The following USH2A variants were observed in gnomAD, a reference collection of about 807,000 sequenced individuals.
USH2A encodes Usher syndrome 2A (autosomal recessive, mild).
In USH2A, 443 loss-of-function variants were observed where a neutral mutation model predicts 538.9. The observed-to-expected ratio is 0.82, with a 90% CI of 0.76 to 0.89. The LOEUF (loss-of-function observed/expected upper bound fraction) is 0.89. Among genes scored for constraint, USH2A ranks in the 40% least tolerant of loss-of-function variants. The pLI is 0.00. For synonymous variants in USH2A, 2,413 were observed against 2,273.5 expected (o/e 1.06, Z -1.75); for missense variants, 6,633 against 6,324.8 (o/e 1.05, Z -1.65).
At chr1:216,194,284 T>TAA (rs2034787216) in intron 19 of USH2A, 4 of 152,008 alleles carry the variant, frequency 2.6e-5, no homozygotes, top group African/African-American at 9.7e-5. Context: ...TAAACTTCCA[T>TAA]TAGTGGTGAA....
intron 47 of USH2A, among the ~76,000 whole-genome samples, chr1:215,836,489 TATATATATAATATATA>T (rs1262434999): frequency 0.021 from 53 of 2,522 alleles, 7 homozygotes; most frequent in East Asian, 0.16. Context: ...TAATATATAT[TATATATATAATATATA>T]TTATATATAT....
chr1:216,106,726 C>T (rs1005225173), intron 21 of USH2A, among the ~76,000 whole-genome samples: 1 of 151,332 alleles, frequency 6.6e-6, no homozygotes, highest in African/African-American at 2.4e-5. Context: ...TTCTTTTTTG[C>T]CTGTTTTAAG....
intron 41 of USH2A, 116 bp downstream of exon 41, chr1:215,888,310 G>A: frequency 2.0e-6 from 3 of 1,513,422 alleles, no homozygotes; most frequent in Non-Finnish European, 2.7e-6. Context: ...TTTCTCCAGT[G>A]AATGCCTAAA....
intron 4 of USH2A, among the ~76,000 whole-genome samples, chr1:216,347,086 T>C (rs114737093): frequency 0.039 from 5,923 of 152,198 alleles, 177 homozygotes; most frequent in Middle Eastern, 0.11. Flanking sequence ...GTTTACTAAA[T>C]GCTTTAAGGT....
At chr1:216,082,922 T>C (rs1369490904) in intron 26 of USH2A, among the ~76,000 whole-genome samples, 2 of 152,060 alleles carry the variant, frequency 1.3e-5, no homozygotes, top group African/African-American at 4.8e-5. Flanking sequence ...CATTAGGTGT[T>C]CAAACTATAA....
chr1:216,277,816 TC>T (rs61533685), intron 11 of USH2A, among the ~76,000 whole-genome samples: 2,852 of 152,256 alleles, frequency 0.019, 92 homozygotes, highest in African/African-American at 0.063. Flanking sequence ...GAAGTTGTTT[TC>T]CACATTGTCT....
At chr1:216,268,418 C>T (rs1410394964) in intron 11 of USH2A, among the ~76,000 whole-genome samples, 1 of 152,024 alleles carries the variant, frequency 6.6e-6, no homozygotes, top group African/African-American at 2.4e-5. Flanking sequence ...TTAATGTAAA[C>T]ATGTTTAGCA....
chr1:215,901,748 C>G (rs1370443416), intron 38 of USH2A, among the ~76,000 whole-genome samples: 2 of 152,130 alleles, frequency 1.3e-5, no homozygotes, highest in Non-Finnish European at 2.9e-5. Context: ...TAAGATGACT[C>G]TGGTTATTTA....
At chr1:215,975,053 C>A (rs1476186650) in intron 35 of USH2A, among the ~76,000 whole-genome samples, 2 of 151,976 alleles carry the variant, frequency 1.3e-5, no homozygotes, top group Non-Finnish European at 2.9e-5. Flanking sequence ...TGAGATGGTA[C>A]TCGTTGTGGT....
At chr1:215,672,155 G>A (rs1657838149) in intron 63 of USH2A, among the ~76,000 whole-genome samples, 1 of 152,094 alleles carries the variant, frequency 6.6e-6, no homozygotes, top group African/African-American at 2.4e-5. Flanking sequence ...AGTATTTAGT[G>A]CCTATGGCTG....
At chr1:215,994,570 G>A (rs1274817518) in intron 34 of USH2A, among the ~76,000 whole-genome samples, 5 of 152,046 alleles carry the variant, frequency 3.3e-5, no homozygotes, top group Admixed American at 2.6e-4. Context: ...GCTTAATTAA[G>A]CAACTTTCAG....
intron 32 of USH2A, among the ~76,000 whole-genome samples, chr1:216,015,627 C>A (rs1285053472): frequency 6.6e-6 from 1 of 152,188 alleles, no homozygotes; most frequent in African/African-American, 2.4e-5. Flanking sequence ...AGTTTACAGT[C>A]CCACCAACAG....
At chr1:216,358,363 C>T (rs114265336) in intron 4 of USH2A, among the ~76,000 whole-genome samples, 2,114 of 152,250 alleles carry the variant, frequency 0.014, 15 homozygotes, top group South Asian at 0.027. Flanking sequence ...CGGCCTGGCA[C>T]TGCATGAGAG....
chr1:215,695,495 A>AT lies in USH2A; in HGVS notation c.12067-15120_12067-15119insA, dbSNP rs1047504909. Among the ~76,000 whole-genome samples, 14 of 152,354 alleles carry AT rather than the reference A, an allele frequency of 9.2e-5. No homozygotes were observed. In the South Asian group the frequency reaches 2.3e-3, roughly 25 times the overall value. Reference sequence around the variant, plus strand: ...ATCAATTGTATTTCCCAATAAAAAAAAACAACCAGATTCTAAAACTTACAA... The same window carrying AT: ...ATCAATTGTATTTCCCAATAAAAAAATAACAACCAGATTCTAAAACTTACAA... On this transcript the variant is annotated intron_variant, in intron 61 of 71. Coordinates refer to ENST00000307340, the MANE Select transcript of USH2A (RefSeq NM_206933.4).
chr1:216,293,228 G>T (rs2037040191), intron 9 of USH2A, among the ~76,000 whole-genome samples: 1 of 152,094 alleles, frequency 6.6e-6, no homozygotes, highest in Non-Finnish European at 1.5e-5. Context: ...GTTTCACCCT[G>T]TTAGCCAGCA....
At chr1:215,772,569 T>C (rs1032518205) in intron 55 of USH2A, among the ~76,000 whole-genome samples, 3 of 152,178 alleles carry the variant, frequency 2.0e-5, no homozygotes, top group Admixed American at 2.0e-4. Context: ...TAAAAGGGAC[T>C]GCAAAAAGTC....
chr1:216,290,270 G>T lies in USH2A; in HGVS notation c.1841-860C>A, dbSNP rs148126994. ...AGAAATAATCAATAATCAATAATAT[G>T]AAAACTCATATTCTGATAGATATTG... is the stretch of plus-strand genomic sequence containing the variant. On this transcript the variant is annotated intron_variant, in intron 10 of 71. Coordinates refer to ENST00000307340, the MANE Select transcript of USH2A (RefSeq NM_206933.4). 3.2e-3 allele frequency among the ~76,000 whole-genome samples: 482 copies of T among 152,092 alleles called. 5 individuals carry two copies. The highest frequency in any genetic ancestry group is 0.011 in the African/African-American group (446 of 41,482).
intron 37 of USH2A, among the ~76,000 whole-genome samples, chr1:215,949,513 A>G (rs1428082885): frequency 6.6e-6 from 1 of 152,110 alleles, no homozygotes; most frequent in African/African-American, 2.4e-5. Flanking sequence ...GACTTTACCC[A>G]TAAGATACAA....
At chr1:215,749,532 C>T (rs1019007128) in intron 58 of USH2A, among the ~76,000 whole-genome samples, 5 of 152,146 alleles carry the variant, frequency 3.3e-5, no homozygotes, top group African/African-American at 1.2e-4. Flanking sequence ...GACTGTGACA[C>T]GAAAGTCTCT....
Sources: allele counts gnomAD v4.1 joint callset (sites outside exome capture counted in the v4.1 genomes callset), GRCh38; gene constraint gnomAD v4.1.1; transcripts MANE v1.5; gene names NCBI Gene and HGNC (gene_info 2026-07-23, HGNC 2026-07-21).